The following DNAAF11 variants were observed in gnomAD, a reference collection of about 807,000 sequenced individuals.
DNAAF11 encodes the protein dynein axonemal assembly factor 11.
In DNAAF11, 45 loss-of-function variants were observed where a neutral mutation model predicts 60.8. The observed-to-expected ratio is 0.74, with a 90% confidence interval of 0.58 to 0.95. The LOEUF (loss-of-function observed/expected upper bound fraction) is 0.95, where lower values mean the gene tolerates loss of function less well. DNAAF11 is among the 40% of genes least tolerant of loss of function. The pLI, the probability that DNAAF11 is intolerant of heterozygous loss-of-function variation, is 0.00. For synonymous variants in DNAAF11, 191 were observed against 183.5 expected, an observed-to-expected ratio of 1.04 and a Z score of -0.33; for missense variants, 546 against 546.2, an observed-to-expected ratio of 1.00 and a Z score of 0.00.
intron 3 of DNAAF11, among the ~76,000 whole-genome samples, chr8:132,647,632 G>C (rs1371657020): frequency 1.3e-5 from 2 of 152,000 alleles, no homozygotes; most frequent in African/African-American, 2.4e-5. Context: ...TAATACAGAA[G>C]AAAAGAGAGA....
intron 11 of DNAAF11, among the ~76,000 whole-genome samples, chr8:132,577,452 G>A (rs1355934009): frequency 6.6e-6 from 1 of 152,294 alleles, no homozygotes; most frequent in South Asian, 2.1e-4. Flanking sequence ...TCATCTATCA[G>A]TACATACAGA....
chr8:132,656,887 T>A lies in DNAAF11; in HGVS notation c.199A>T (p.Lys67Ter). The change falls in exon 3 of 12, where the codon AAA (lysine) becomes TAA (stop). Residue 67 changes from lysine (K) to a stop codon, truncating the protein, a stop_gained. Transcript: ENST00000620350. LOFTEE classifies it high-confidence loss of function. ...AAAGCTAAATTCAAATATTCAAGTT[T>A]CTTGAGTTTGCTAACATTTTCTGAA... ...GKIENVSKLK[K>*]LEYLNLALNN... 7.2e-7 allele frequency: 1 copy of A among 1,383,590 alleles called. No homozygotes were observed. The highest frequency in any genetic ancestry group is 1.0e-6 in the Non-Finnish European group (1 of 990,006). 85.7% of individuals were successfully genotyped at this position (1,383,590 alleles called of 1,614,324 possible). A position where few individuals can be genotyped will look rare whatever the true frequency, so the allele number is the denominator to read the frequency against.
At chr8:132,693,162 G>A in the DNAAF11 span, among the ~76,000 whole-genome samples, 1 of 152,120 alleles carries the variant, frequency 6.6e-6, no homozygotes, top group African/African-American at 2.4e-5. Flanking sequence ...AGAATGAAGG[G>A]CAATGGAGAA....
At chr8:132,668,690 C>G (rs143469061) in intron 1 of DNAAF11, among the ~76,000 whole-genome samples, 1 of 152,096 alleles carries the variant, frequency 6.6e-6, no homozygotes, top group East Asian at 1.9e-4. Context: ...GTTCCACCCC[C>G]CTCAGCCTCC....
the DNAAF11 span, among the ~76,000 whole-genome samples, chr8:132,691,904 A>G: frequency 2.0e-5 from 3 of 152,180 alleles, no homozygotes; most frequent in Non-Finnish European, 4.4e-5. Flanking sequence ...AGATGAGACT[A>G]CAGAGCAGAC....
rs766415562 is a variant in DNAAF11 at position 132,571,041 on chromosome 8, T to A, written c.*1265A>T. Among the ~76,000 whole-genome samples, 14 of 152,214 alleles carry A rather than the reference T, an allele frequency of 9.2e-5. No homozygotes were observed. The highest frequency in any genetic ancestry group is 1.6e-4 in the Non-Finnish European group (11 of 68,036). Reference sequence around the variant, plus strand: ...CCACATTTGTGCCCAATTGCATTCCTATAACCAGTCCCTCATTCTCATCAT... The same window carrying A: ...CCACATTTGTGCCCAATTGCATTCCAATAACCAGTCCCTCATTCTCATCAT... On this transcript the variant is annotated 3_prime_UTR_variant, in exon 12 of 12. Coordinates refer to ENST00000620350, the MANE Select transcript of DNAAF11 (RefSeq NM_012472.6).
chr8:132,658,915 T>C (rs1277808840), intron 2 of DNAAF11, among the ~76,000 whole-genome samples: 1 of 152,064 alleles, frequency 6.6e-6, no homozygotes, highest in African/African-American at 2.4e-5. Flanking sequence ...AAGAGCCTCT[T>C]GGGTAGGGAA....
chr8:132,674,390 A>C (rs895760679), intron 1 of DNAAF11, among the ~76,000 whole-genome samples: 1 of 152,084 alleles, frequency 6.6e-6, no homozygotes, highest in African/African-American at 2.4e-5. Flanking sequence ...CAGGTCTTCC[A>C]GGGCAGAAAG....
chr8:132,700,071 C>T, the DNAAF11 span, among the ~76,000 whole-genome samples: 22 of 152,226 alleles, frequency 1.4e-4, no homozygotes, highest in South Asian at 4.1e-4. Flanking sequence ...TACTAAATGA[C>T]GCTGAATTGT....
chr8:132,688,638 C>A, the DNAAF11 span, among the ~76,000 whole-genome samples: 172 of 152,254 alleles, frequency 1.1e-3, no homozygotes, highest in African/African-American at 3.9e-3. Flanking sequence ...GTTGGCAGCT[C>A]TCTGACCACT....
chr8:132,610,409 G>A (rs960467670), intron 9 of DNAAF11, 148 bp from the exon 10 acceptor site: 6 of 592,034 alleles, frequency 1.0e-5, no homozygotes, highest in Non-Finnish European at 1.5e-5. Flanking sequence ...TATGAGCTAT[G>A]CTTTCTATGC....
intron 4 of DNAAF11, among the ~76,000 whole-genome samples, chr8:132,635,747 A>G (rs1040951999): frequency 2.6e-5 from 4 of 152,222 alleles, no homozygotes; most frequent in East Asian, 1.9e-4. Context: ...AGCTCAAATC[A>G]GGGACTTTCT....
intron 3 of DNAAF11, among the ~76,000 whole-genome samples, chr8:132,648,733 C>A (rs1166018903): frequency 5.9e-5 from 9 of 152,060 alleles, no homozygotes; most frequent in Non-Finnish European, 1.0e-4. Context: ...AACAGAGAGC[C>A]AAATCATGAG....
chr8:132,616,082 T>C lies in DNAAF11; in HGVS notation c.915-985A>G, dbSNP rs555922441. 2.0e-5 allele frequency among the ~76,000 whole-genome samples: 3 copies of C among 152,228 alleles called. No individual in the cohort carries two copies. In the East Asian group the frequency reaches 5.8e-4, roughly 29 times the overall value. On this transcript the variant is annotated intron_variant, in intron 7 of 11. Coordinates refer to ENST00000620350, the MANE Select transcript of DNAAF11 (RefSeq NM_012472.6). ...CTGCTCTGCCTCGATTGCTTATTAC[T>C]TGTAAAGTAATTTCAGAGAATTTTC...
the DNAAF11 span, among the ~76,000 whole-genome samples, chr8:132,688,566 A>G: frequency 6.6e-6 from 1 of 152,188 alleles, no homozygotes; most frequent in Non-Finnish European, 1.5e-5. Flanking sequence ...ATGACAACCA[A>G]TGAGGGTCAA....
At chr8:132,618,764 G>C (rs1480693997) in intron 7 of DNAAF11, among the ~76,000 whole-genome samples, 4 of 152,156 alleles carry the variant, frequency 2.6e-5, no homozygotes, top group Admixed American at 6.5e-5. Context: ...TCTCACGCCA[G>C]TTAGAATGGC....
At chr8:132,694,375 A>G in the DNAAF11 span, among the ~76,000 whole-genome samples, 10 of 152,156 alleles carry the variant, frequency 6.6e-5, no homozygotes, top group African/African-American at 1.9e-4. Flanking sequence ...GAAAAATTGG[A>G]CACAGACACA....
chr8:132,591,123 A>G (rs72723187), intron 10 of DNAAF11, among the ~76,000 whole-genome samples: 5,370 of 152,310 alleles, frequency 0.035, 133 homozygotes, highest in Middle Eastern at 0.058. Context: ...TTAAGTCATA[A>G]TGTACATTTT....
chr8:132,676,178 T>C (rs147787321), upstream of DNAAF11, among the ~76,000 whole-genome samples: 115 of 152,204 alleles, frequency 7.6e-4, no homozygotes, highest in African/African-American at 2.3e-3. Flanking sequence ...CCTCCATCAA[T>C]TTCCCTATTC....
Sources: gnomAD v4.1 joint callset for allele counts (sites outside exome capture counted in the v4.1 genomes callset) on GRCh38, gnomAD v4.1.1 for gene constraint, MANE v1.5 for transcripts, NCBI Gene and HGNC (gene_info 2026-07-23, HGNC 2026-07-21) for gene names.